The following OTOGL variants were observed in gnomAD, a reference collection of about 807,000 sequenced individuals.
OTOGL encodes otogelin-like protein.
Under a neutral mutation model 318.5 loss-of-function variants are expected in OTOGL, and 285 were observed. The observed-to-expected ratio is 0.89, with a 90% CI of 0.81 to 0.99. The LOEUF (loss-of-function observed/expected upper bound fraction) is 0.99, where lower values mean the gene tolerates loss of function less well. OTOGL is among the 50% of genes least tolerant of loss of function. The pLI, the probability that OTOGL is intolerant of heterozygous loss-of-function variation, is 0.00. For synonymous variants in OTOGL, 987 were observed against 936.5 expected (o/e 1.05, Z -0.99); for missense variants, 2,899 against 2,845.6 (o/e 1.02, Z -0.43).
intron 1 of OTOGL, among the ~76,000 whole-genome samples, chr12:80,172,647 G>C (rs956687834): frequency 1.3e-5 from 2 of 151,766 alleles, no homozygotes; most frequent in South Asian, 2.1e-4. Context: ...TATTTAAAAA[G>C]GTGTCATCTG....
At chr12:80,364,141 G>GT (rs1890391195) in intron 52 of OTOGL, among the ~76,000 whole-genome samples, 1 of 152,038 alleles carries the variant, frequency 6.6e-6, no homozygotes, top group Admixed American at 6.6e-5. Flanking sequence ...CACACAGAAC[G>GT]TAACTAGTAG....
rs1163220022 is a variant in OTOGL at position 80,188,525 on chromosome 12, G to A, written c.-19-20888G>A. 3.4e-5 allele frequency among the ~76,000 whole-genome samples: 5 copies of A among 149,140 alleles called. No individual in the cohort carries two copies. In the East Asian group the frequency reaches 9.8e-4, roughly 29 times the overall value. On this transcript the variant is annotated intron_variant, in intron 1 of 58. Transcript: ENST00000547103. ...TGCATTCCAGCCTGGGCGACAGAGT[G>A]AGACTCTGTCTCAAAAAAAAAATAA...
At position 80,358,279 on chromosome 12, in the gene OTOGL, A is replaced by G. The variant is rs371874045; in HGVS notation, c.6051A>G (p.Leu2017=). 15 of 1,612,042 alleles carry G rather than the reference A, an allele frequency of 9.3e-6. No homozygotes were observed. The Admixed American group carries it at 1.0e-4, about 11-fold the overall frequency. ...AATCTTGCACCAAACCTGTTCCACT[A>G]TGTCATGATGGGGAATTTCTCACAG... The part of the protein sequence containing the change: ...VCESCTKPVP[L]CHDGEFLTVD... The change falls in exon 50 of 59, where the codon CTA becomes CTG. Residue 2017 remains leucine (L), a synonymous_variant. Coordinates refer to ENST00000547103, the MANE Select transcript of OTOGL (RefSeq NM_001378609.3).
chr12:80,259,080 T>A (rs1019755941), intron 18 of OTOGL, among the ~76,000 whole-genome samples: 5 of 151,852 alleles, frequency 3.3e-5, no homozygotes, highest in African/African-American at 1.2e-4. Flanking sequence ...GTATATAATT[T>A]TTTTTAGCTA....
intron 1 of OTOGL, among the ~76,000 whole-genome samples, chr12:80,151,479 T>C (rs1421573322): frequency 7.9e-5 from 12 of 152,176 alleles, no homozygotes. Context: ...ACTTCCCCTA[T>C]TAAAATGTAA....
intron 26 of OTOGL, among the ~76,000 whole-genome samples, chr12:80,291,834 A>G (rs991404079): frequency 6.6e-6 from 1 of 152,214 alleles, no homozygotes; most frequent in Non-Finnish European, 1.5e-5. Context: ...ATACTCACAA[A>G]TGATTTTTAA....
intron 1 of OTOGL, among the ~76,000 whole-genome samples, chr12:80,121,881 G>A (rs941558151): frequency 6.6e-6 from 1 of 152,176 alleles, no homozygotes; most frequent in African/African-American, 2.4e-5. Context: ...AGGTGTGCCT[G>A]AGTTGCTGAG....
chr12:80,206,375 T>G (rs1876808908), intron 1 of OTOGL, among the ~76,000 whole-genome samples: 1 of 152,178 alleles, frequency 6.6e-6, no homozygotes, highest in Non-Finnish European at 1.5e-5. Context: ...CTCTTTGCCA[T>G]TGTTCATTCT....
intron 19 of OTOGL, among the ~76,000 whole-genome samples, chr12:80,263,651 G>C (rs1882721862): frequency 6.6e-6 from 1 of 151,730 alleles, no homozygotes; most frequent in Non-Finnish European, 1.5e-5. Flanking sequence ...ACATATATTT[G>C]ATATTAACTT....
intron 1 of OTOGL, among the ~76,000 whole-genome samples, chr12:80,167,400 T>C (rs1347758093): frequency 6.6e-6 from 1 of 152,142 alleles, no homozygotes. Flanking sequence ...TATCATCAGA[T>C]TTTATTTTTG....
chr12:80,162,045 G>A (rs533610927), intron 1 of OTOGL, among the ~76,000 whole-genome samples: 2 of 152,206 alleles, frequency 1.3e-5, no homozygotes, highest in South Asian at 4.1e-4. Context: ...CAGCACATAT[G>A]CCACAGTTCC....
chr12:80,250,248 G>T (rs1299538716), intron 11 of OTOGL, among the ~76,000 whole-genome samples: 1 of 152,024 alleles, frequency 6.6e-6, no homozygotes, highest in Non-Finnish European at 1.5e-5. Flanking sequence ...ATTCAAAATG[G>T]AAAAAATAAA....
rs571370132 is a variant in OTOGL at position 80,336,855 on chromosome 12, T to C, written c.4767+35T>C. The stretch of plus-strand genomic sequence containing the variant: ...TGCAAAGTGTTTAGTACATTCATTC[T>C]GTTTATCACTACAATTGTGTTTAAC... On this transcript the variant is annotated intron_variant, in intron 41 of 58. Coordinates refer to ENST00000547103, the MANE Select transcript of OTOGL (RefSeq NM_001378609.3). 2.7e-5 allele frequency: 42 copies of C among 1,537,928 alleles called. No individual in the cohort carries two copies. In the African/African-American group the frequency reaches 4.7e-4, roughly 17 times the overall value.
At chr12:80,107,244 C>A (rs1360537161) in intron 1 of OTOGL, among the ~76,000 whole-genome samples, 2 of 152,060 alleles carry the variant, frequency 1.3e-5, no homozygotes, top group African/African-American at 4.8e-5. Context: ...CAAAAAGCAA[C>A]CCCATTAAAA....
chr12:80,253,267 T>A (rs1881734043), intron 13 of OTOGL, among the ~76,000 whole-genome samples, 199 bp from the exon 14 acceptor site: 1 of 152,132 alleles, frequency 6.6e-6, no homozygotes, highest in South Asian at 2.1e-4. Context: ...ATAAGAAAAT[T>A]GAAAACTACT....
intron 7 of OTOGL, among the ~76,000 whole-genome samples, chr12:80,228,997 T>C (rs1879124618): frequency 6.6e-6 from 1 of 152,194 alleles, no homozygotes; most frequent in Non-Finnish European, 1.5e-5. Flanking sequence ...ACCATGTACC[T>C]TGAGAATATT....
chr12:80,266,399 T>C, intron 20 of OTOGL, 52 bp from the exon 21 acceptor site: 1 of 1,578,310 alleles, frequency 6.3e-7, no homozygotes, highest in South Asian at 1.1e-5. Flanking sequence ...AGGCATAAAA[T>C]GTTTCTATGT....
rs368266167 is a variant in OTOGL at position 80,336,411 on chromosome 12, A to G, written c.4601-2A>G. 94 of 1,580,810 alleles carry G rather than the reference A, an allele frequency of 5.9e-5. No homozygotes were observed. Among genetic ancestry groups the G allele is most frequent in the Non-Finnish European group, 7.9e-5 (92 of 1,166,506 alleles). On this transcript the variant is annotated splice_acceptor_variant, in intron 39 of 58. Transcript: ENST00000547103. LOFTEE classifies it high-confidence loss of function. ...TAAATCCACTTTCCACCATTTTTAT[A>G]GGTCGGTGTTCCATGTTGTCAGAAC...
chr12:80,328,314 G>A (rs1400015296), intron 35 of OTOGL, among the ~76,000 whole-genome samples: 1 of 102,728 alleles, frequency 9.7e-6, no homozygotes, highest in East Asian at 3.6e-4. Context: ...GTGAGACCCT[G>A]TCACAAACAA....
Sources: allele counts gnomAD v4.1 joint callset (sites outside exome capture counted in the v4.1 genomes callset), GRCh38; gene constraint gnomAD v4.1.1; transcripts MANE v1.5; gene names NCBI Gene and HGNC (gene_info 2026-07-23, HGNC 2026-07-21).